Variants in PPP1R9A observed in about 807,000 individuals in gnomAD.
The protein encoded by PPP1R9A is protein phosphatase 1 regulatory subunit 9A, also known as neurabin-1.
A neutral mutation model predicts 141.9 loss-of-function variants in PPP1R9A; 59 were observed. That is an observed-to-expected ratio of 0.42 (90% confidence interval 0.34 to 0.52). The LOEUF (loss-of-function observed/expected upper bound fraction) is 0.52, where lower values mean the gene tolerates loss of function less well. PPP1R9A is among the 20% of genes least tolerant of loss of function. The pLI is 0.10. For missense variants in PPP1R9A, 1,444 were observed against 1,611.9 expected, an observed-to-expected ratio of 0.90 and a Z score of 1.78; for synonymous variants, 500 against 569.7, an observed-to-expected ratio of 0.88 and a Z score of 1.74.
chr7:95,132,924 C>T (rs2152534234), intron 4 of PPP1R9A, among the ~76,000 whole-genome samples: 1 of 152,280 alleles, frequency 6.6e-6, no homozygotes, highest in East Asian at 1.9e-4. Flanking sequence ...GGTCTGAGAT[C>T]CCCAAGAAAT....
intron 2 of PPP1R9A, among the ~76,000 whole-genome samples, chr7:95,034,731 G>T (rs925771303): frequency 6.6e-6 from 1 of 152,014 alleles, no homozygotes; most frequent in Non-Finnish European, 1.5e-5. Flanking sequence ...CCAATTATTT[G>T]TACATTTGTA....
At chr7:95,101,095 G>A (rs1001367126) in intron 2 of PPP1R9A, among the ~76,000 whole-genome samples, 3 of 151,630 alleles carry the variant, frequency 2.0e-5, no homozygotes, top group African/African-American at 7.3e-5. Flanking sequence ...CTCGTGATCC[G>A]CCCGCCTCGG....
At chr7:95,058,177 A>G (rs954802589) in intron 2 of PPP1R9A, among the ~76,000 whole-genome samples, 11 of 152,158 alleles carry the variant, frequency 7.2e-5, no homozygotes, top group Non-Finnish European at 1.5e-4. Flanking sequence ...CAAAAGTTCT[A>G]CCTTTAGTTA....
chr7:95,291,178 A>G lies in PPP1R9A; in HGVS notation c.*875A>G, dbSNP rs1192236362. 6.6e-6 allele frequency: 1 copy of G among 152,150 alleles called. No individual in the cohort carries two copies. The highest frequency in any genetic ancestry group is 2.4e-5 in the African/African-American group (1 of 41,442). The allele number at this position is 152,150 out of a possible 1,614,324, so 9.4% of individuals were successfully genotyped here. Reference sequence around the variant, plus strand: ...AGTTCCTCTTCCCCCTACCTAACCCAAGAAATTGAACAGGAAATTGATTTT... The same window carrying G: ...AGTTCCTCTTCCCCCTACCTAACCCGAGAAATTGAACAGGAAATTGATTTT... On this transcript the variant is annotated 3_prime_UTR_variant, in exon 20 of 20. Transcript: ENST00000433360.
In PPP1R9A at chr7:95,251,713, T is replaced by A. The variant is rs187350083; in HGVS notation, c.2397-49T>A. 28 of 1,523,854 alleles carry A rather than the reference T, an allele frequency of 1.8e-5. No individual in the cohort carries two copies. The Admixed American group carries it at 4.2e-4, about 23-fold the overall frequency. 94.4% of individuals were successfully genotyped at this position (1,523,854 alleles called of 1,614,324 possible). A position where few individuals can be genotyped will look rare whatever the true frequency, so the allele number is the denominator to read the frequency against. On this transcript the variant is annotated intron_variant, in intron 10 of 19. Coordinates refer to ENST00000433360, the MANE Select transcript of PPP1R9A (RefSeq NM_001166160.2). ...AGTTTATTGTTTCAGATAAGAACTT[T>A]CATTTATTGAGTGTATGATATAATC...
intron 2 of PPP1R9A, among the ~76,000 whole-genome samples, chr7:95,039,767 G>A (rs1808959295): frequency 6.6e-6 from 1 of 152,064 alleles, no homozygotes; most frequent in Admixed American, 6.6e-5. Flanking sequence ...TCTAAGAACT[G>A]TGGATCAATT....
chr7:94,915,910 C>T (rs758487014), intron 2 of PPP1R9A, among the ~76,000 whole-genome samples: 4 of 152,170 alleles, frequency 2.6e-5, no homozygotes, highest in Admixed American at 6.5e-5. Flanking sequence ...AGCCATGGGA[C>T]CATCCTTGGT....
At position 95,048,718 on chromosome 7, in the gene PPP1R9A, A is replaced by T. The variant is rs533372372; in HGVS notation, c.1396-62541A>T. 3.0e-3 allele frequency among the ~76,000 whole-genome samples: 461 copies of T among 151,338 alleles called. 4 individuals are homozygous for T. Among genetic ancestry groups the T allele is most frequent in the South Asian group, 3.1e-3 (15 of 4,776 alleles). On this transcript the variant is annotated intron_variant, in intron 2 of 19. Coordinates refer to ENST00000433360, the MANE Select transcript of PPP1R9A (RefSeq NM_001166160.2). ...CCACCACGCCGAGCTAATTTTTTGT[A>T]TTTTTTTTAGTAGAAACGGGGTTTC... is the stretch of plus-strand genomic sequence containing the variant.
chr7:95,014,136 CA>C (rs1157838855), intron 2 of PPP1R9A, among the ~76,000 whole-genome samples: 7 of 151,986 alleles, frequency 4.6e-5, no homozygotes, highest in African/African-American at 1.7e-4. Context: ...AACATTGATA[CA>C]GTACTTTTAT....
chr7:95,251,733 A>T, intron 10 of PPP1R9A, 29 bp from the exon 11 acceptor site: 1 of 1,583,022 alleles, frequency 6.3e-7, no homozygotes, highest in African/African-American at 1.4e-5. Flanking sequence ...AGTGTATGAT[A>T]TAATCAGAAC....
At chr7:94,939,041 T>C (rs1479359470) in intron 2 of PPP1R9A, among the ~76,000 whole-genome samples, 1 of 152,034 alleles carries the variant, frequency 6.6e-6, no homozygotes, top group Non-Finnish European at 1.5e-5. Flanking sequence ...ATAGAGATGC[T>C]CAGCCAGGAA....
intron 2 of PPP1R9A, among the ~76,000 whole-genome samples, chr7:94,931,037 G>T (rs1330353057): frequency 2.0e-5 from 3 of 152,176 alleles, no homozygotes; most frequent in Admixed American, 6.5e-5. Flanking sequence ...TGCCTGGTCA[G>T]CTGGAAGTTT....
chr7:95,059,990 TGA>T (rs1812009215), intron 2 of PPP1R9A, among the ~76,000 whole-genome samples: 1 of 152,154 alleles, frequency 6.6e-6, no homozygotes, highest in South Asian at 2.1e-4. Flanking sequence ...AGATACAGGC[TGA>T]GAGAGACTGA....
At chr7:95,153,418 T>A (rs1054670533) in intron 4 of PPP1R9A, among the ~76,000 whole-genome samples, 1 of 152,194 alleles carries the variant, frequency 6.6e-6, no homozygotes, top group African/African-American at 2.4e-5. Flanking sequence ...TTTTTTATCA[T>A]TTTAAGCTTT....
At chr7:94,981,243 AT>A (rs552852879) in intron 2 of PPP1R9A, among the ~76,000 whole-genome samples, 1 of 151,536 alleles carries the variant, frequency 6.6e-6, no homozygotes, top group Non-Finnish European at 1.5e-5. Context: ...TTATTTATTT[AT>A]TTTTTTTGAG....
intron 5 of PPP1R9A, among the ~76,000 whole-genome samples, chr7:95,165,365 A>G (rs1281589048): frequency 6.6e-6 from 1 of 152,214 alleles, no homozygotes; most frequent in Non-Finnish European, 1.5e-5. Flanking sequence ...GAGGCTTTCA[A>G]ATACCCTTTT....
At chr7:94,953,286 C>T (rs753579277) in intron 2 of PPP1R9A, among the ~76,000 whole-genome samples, 27 of 152,142 alleles carry the variant, frequency 1.8e-4, no homozygotes, top group Non-Finnish European at 3.7e-4. Flanking sequence ...GGCATTATTG[C>T]TGAGGCTTCT....
At chr7:95,268,759 T>C in intron 13 of PPP1R9A, 52 bp downstream of exon 13, 1 of 1,575,312 alleles carries the variant, frequency 6.3e-7, no homozygotes, top group Non-Finnish European at 8.6e-7. Flanking sequence ...ATATCATTGT[T>C]CCTACAGCTT....
At chr7:94,993,697 T>C (rs976344591) in intron 2 of PPP1R9A, among the ~76,000 whole-genome samples, 1 of 152,208 alleles carries the variant, frequency 6.6e-6, no homozygotes, top group Non-Finnish European at 1.5e-5. Flanking sequence ...GGTGCTAGTA[T>C]CTAGAAATGC....
Sources: gnomAD v4.1 joint callset for allele counts (sites outside exome capture counted in the v4.1 genomes callset) on GRCh38, gnomAD v4.1.1 for gene constraint, MANE v1.5 for transcripts, NCBI Gene and HGNC (gene_info 2026-07-23, HGNC 2026-07-21) for gene names.